The following PDE10A variants were observed in gnomAD, a reference collection of about 807,000 sequenced individuals.
PDE10A encodes cAMP and cAMP-inhibited cGMP 3',5'-cyclic phosphodiesterase 10A.
Under a neutral mutation model 97.7 loss-of-function variants are expected in PDE10A, and 39 were observed. That is an observed-to-expected ratio of 0.40 (90% CI 0.31 to 0.52). The LOEUF (loss-of-function observed/expected upper bound fraction) is 0.52, where lower values mean the gene tolerates loss of function less well. Among genes scored for constraint, PDE10A ranks in the 20% least tolerant of loss-of-function variants. PDE10A has a pLI of 0.56. For synonymous variants in PDE10A, 371 were observed against 376.8 expected (o/e 0.98, Z 0.18); for missense variants, 731 against 1,047.8 (o/e 0.70, Z 4.17).
intron 13 of PDE10A, among the ~76,000 whole-genome samples, chr6:165,399,400 G>A (rs1786448180): frequency 6.6e-6 from 1 of 152,132 alleles, no homozygotes; most frequent in African/African-American, 2.4e-5. Flanking sequence ...TAAAGGTAAA[G>A]AAATTATACT....
intron 1 of PDE10A, among the ~76,000 whole-genome samples, chr6:165,726,351 T>C (rs892980226): frequency 6.6e-6 from 1 of 152,146 alleles, no homozygotes; most frequent in South Asian, 2.1e-4. Flanking sequence ...CCAGGAAACA[T>C]TAAAAAATAT....
chr6:165,965,476 C>T (rs1450757910), intron 1 of PDE10A, among the ~76,000 whole-genome samples: 1 of 152,102 alleles, frequency 6.6e-6, no homozygotes, highest in East Asian at 1.9e-4. Flanking sequence ...TGAAAATCAC[C>T]ACAATTCTGT....
intron 1 of PDE10A, among the ~76,000 whole-genome samples, chr6:165,575,850 T>C (rs1282406118): frequency 3.3e-5 from 5 of 152,188 alleles, no homozygotes; most frequent in Admixed American, 2.0e-4. Context: ...TTCATCTCCC[T>C]TGGTCTCAGT....
intron 1 of PDE10A, among the ~76,000 whole-genome samples, chr6:165,734,996 G>A (rs1390987054): frequency 7.1e-6 from 1 of 141,568 alleles, no homozygotes; most frequent in Non-Finnish European, 1.5e-5. Flanking sequence ...ATAGATAGTA[G>A]GTAGGTAGGT....
chr6:165,470,543 T>C (rs1165672773), intron 3 of PDE10A, among the ~76,000 whole-genome samples: 3 of 152,204 alleles, frequency 2.0e-5, no homozygotes, highest in Admixed American at 1.3e-4. Flanking sequence ...TGATTAAAAA[T>C]TAAAAGCCAG....
At chr6:165,523,029 C>CA (rs1447253645) in intron 2 of PDE10A, among the ~76,000 whole-genome samples, 1 of 147,970 alleles carries the variant, frequency 6.8e-6, no homozygotes. Context: ...ACAATAGCCA[C>CA]AAAAATAAAA....
chr6:165,793,701 G>A (rs573293768), intron 1 of PDE10A, among the ~76,000 whole-genome samples: 1 of 152,306 alleles, frequency 6.6e-6, no homozygotes, highest in African/African-American at 2.4e-5. Flanking sequence ...TTGGCCAAGT[G>A]GTGGCACTTA....
chr6:165,478,921 T>G (rs1190349336), intron 3 of PDE10A, among the ~76,000 whole-genome samples: 1 of 152,192 alleles, frequency 6.6e-6, no homozygotes, highest in African/African-American at 2.4e-5. Context: ...ATGACCTGGA[T>G]GCTACCTGGC....
intron 1 of PDE10A, among the ~76,000 whole-genome samples, chr6:165,632,239 T>C (rs911725830): frequency 8.2e-5 from 12 of 146,974 alleles, no homozygotes; most frequent in Non-Finnish European, 1.3e-4. Context: ...GAGTCTGAGA[T>C]TACAGGAAAC....
At chr6:165,685,533 T>C (rs1252073678) in intron 1 of PDE10A, among the ~76,000 whole-genome samples, 1 of 152,134 alleles carries the variant, frequency 6.6e-6, no homozygotes. Flanking sequence ...ATTCTGCCTG[T>C]TCTTCTGCAT....
intron 1 of PDE10A, among the ~76,000 whole-genome samples, chr6:165,594,703 C>A (rs1333271389): frequency 6.6e-6 from 1 of 152,168 alleles, no homozygotes; most frequent in Non-Finnish European, 1.5e-5. Flanking sequence ...CACAAGATCT[C>A]AAAGTATCGT....
At chr6:165,600,153 A>G (rs1786854828) in intron 1 of PDE10A, among the ~76,000 whole-genome samples, 2 of 152,176 alleles carry the variant, frequency 1.3e-5, no homozygotes, top group South Asian at 4.1e-4. Context: ...AGAATCTGAC[A>G]CATTATAATC....
At chr6:165,841,521 A>G (rs574869482) in intron 1 of PDE10A, among the ~76,000 whole-genome samples, 2 of 152,374 alleles carry the variant, frequency 1.3e-5, no homozygotes, top group African/African-American at 4.8e-5. Context: ...CGTTAGCTCC[A>G]GCTCTGTGAG....
At chr6:165,336,237 A>G (rs768252127) in intron 20 of PDE10A, 26 bp from the exon 21 acceptor site, 117 of 1,494,104 alleles carry the variant, frequency 7.8e-5, no homozygotes, top group Non-Finnish European at 9.0e-5. Flanking sequence ...AACCACGGAC[A>G]AGAAACAAAA....
intron 1 of PDE10A, among the ~76,000 whole-genome samples, chr6:165,588,369 C>A (rs1300419563): frequency 7.0e-6 from 1 of 141,898 alleles, no homozygotes; most frequent in African/African-American, 2.6e-5. Context: ...CGGCTCACTG[C>A]AACCTCCACC....
chr6:165,562,074 C>T (rs1315206602), intron 1 of PDE10A, among the ~76,000 whole-genome samples: 1 of 151,906 alleles, frequency 6.6e-6, no homozygotes, highest in Non-Finnish European at 1.5e-5. Context: ...AGTTCAAGAC[C>T]CATCTGTGCA....
In PDE10A at chr6:165,588,064, T is replaced by C. The variant is rs185713692; in HGVS notation, c.866-44496A>G. ...TTTTCTTTATCATCAATAAGAAATGTATCTTTTGTTCTTAAGGTAATTTAT... is the reference window on the plus strand; with the variant it reads ...TTTTCTTTATCATCAATAAGAAATGCATCTTTTGTTCTTAAGGTAATTTAT... On this transcript the variant is annotated intron_variant, in intron 1 of 21. Coordinates refer to ENST00000539869, the MANE Select transcript of PDE10A (RefSeq NM_001385079.1). Among the ~76,000 whole-genome samples, 4 of 152,352 alleles carry C rather than the reference T, an allele frequency of 2.6e-5. No homozygotes were observed. The East Asian group carries it at 7.7e-4, about 29-fold the overall frequency.
At chr6:165,802,466 C>T (rs1368708841) in intron 1 of PDE10A, among the ~76,000 whole-genome samples, 2 of 152,202 alleles carry the variant, frequency 1.3e-5, no homozygotes, top group African/African-American at 4.8e-5. Flanking sequence ...AAGTGAAACC[C>T]TCTGCCTCCA....
intron 2 of PDE10A, among the ~76,000 whole-genome samples, chr6:165,495,369 G>T (rs1264256514): frequency 6.6e-6 from 1 of 152,002 alleles, no homozygotes; most frequent in Non-Finnish European, 1.5e-5. Flanking sequence ...GAGAGAAAGG[G>T]ACAGGAAGGA....
Sources: allele counts gnomAD v4.1 joint callset (sites outside exome capture counted in the v4.1 genomes callset), GRCh38; gene constraint gnomAD v4.1.1; transcripts MANE v1.5; gene names NCBI Gene and HGNC (gene_info 2026-07-23, HGNC 2026-07-21).